The following OGT variants were observed in gnomAD, a reference collection of about 807,000 sequenced individuals.
OGT encodes UDP-N-acetylglucosamine--peptide N-acetylglucosaminyltransferase 110 kDa subunit.
A neutral mutation model predicts 75.8 loss-of-function variants in OGT; 3 were observed. The ratio of observed to expected loss-of-function variants is 0.04; its 90% CI spans 0.02 to 0.10. The LOEUF (loss-of-function observed/expected upper bound fraction) is 0.10, where lower values mean the gene tolerates loss of function less well. Among genes scored for constraint, OGT ranks in the 10% least tolerant of loss-of-function variants. OGT has a pLI of 1.00. For synonymous variants in OGT, 257 were observed against 289.7 expected, an observed-to-expected ratio of 0.89 and a Z score of 1.15; for missense variants, 260 against 824.4, an observed-to-expected ratio of 0.32 and a Z score of 8.38.
intron 2 of OGT, chrX:71,537,196 G>A (rs1021152187): frequency 8.2e-6 from 1 of 121,500 alleles, no homozygotes; most frequent in African/African-American, 3.3e-5. Context: ...TCAAACTCCC[G>A]ACCTCAGGTG....
chrX:71,555,134 TTGTGTGTGTGTGTGTGTGTGTGTG>T (rs376605851), intron 6 of OGT, 32 bp from the exon 7 acceptor site: 23 of 533,738 alleles, frequency 4.3e-5, no homozygotes, highest in East Asian at 2.9e-4. Context: ...GAGTTACATT[TTGTGTGTGTGTGTGTGTGTGTGTG>T]TGTGTGTGTG....
At chrX:71,538,206 G>A in intron 3 of OGT, 134 bp downstream of exon 3, 8 of 700,639 alleles carry the variant, frequency 1.1e-5, no homozygotes, top group Non-Finnish European at 1.6e-5. Context: ...TACTTAAAAT[G>A]GTGAAATTGC....
chrX:71,563,878 C>G (rs766219715), intron 18 of OGT, among the ~76,000 whole-genome samples: 3 of 112,022 alleles, frequency 2.7e-5, no homozygotes, highest in Non-Finnish European at 5.6e-5. Flanking sequence ...TCCGTACTTA[C>G]CGCTAACGTC....
At chrX:71,556,317 C>A in intron 8 of OGT, 1 of 401,818 alleles carries the variant, frequency 2.5e-6, no homozygotes, top group Non-Finnish European at 4.2e-6. Context: ...AAGATCTGTA[C>A]AAAAAAATTA....
chrX:71,543,764 GTGTATA>G lies in OGT; in HGVS notation c.463-801_463-796del, dbSNP rs1352703617. The stretch of plus-strand genomic sequence containing the variant: ...TGTGTGTGTGTGTGTGTGTGTGTGT[GTGTATA>G]TATATATATATATATATATATATTT... On this transcript the variant is annotated intron_variant, in intron 3 of 21. Coordinates refer to ENST00000373719, the MANE Select transcript of OGT (RefSeq NM_181672.3). Among the ~76,000 whole-genome samples the G allele has an allele frequency of 7.1e-3, 433 of 60,973 alleles. 1 individual carries two copies. The highest frequency in any genetic ancestry group is 0.023 in the African/African-American group (194 of 8,583). 52.9% of individuals were successfully genotyped at this position (60,973 alleles called of 115,157 possible).
At chrX:71,536,803 C>T (rs1445272926) in intron 2 of OGT, 1 of 150,563 alleles carries the variant, frequency 6.6e-6, no homozygotes, top group Admixed American at 8.8e-5. Context: ...TTGAATTAAT[C>T]AAAAGGGAAG....
At chrX:71,567,027 G>A (rs2040421138) in intron 19 of OGT, among the ~76,000 whole-genome samples, 1 of 112,603 alleles carries the variant, frequency 8.9e-6, no homozygotes, top group African/African-American at 3.2e-5. Context: ...CACATTGTCT[G>A]TGGCTGCTTT....
intron 4 of OGT, chrX:71,547,517 G>C: frequency 2.6e-6 from 2 of 778,857 alleles, no homozygotes; most frequent in Middle Eastern, 7.0e-4. Context: ...AGGAAAACTC[G>C]GCCTCAAGTT....
intron 12 of OGT, among the ~76,000 whole-genome samples, chrX:71,558,207 G>A (rs189639985): frequency 1.8e-5 from 2 of 110,601 alleles, no homozygotes; most frequent in East Asian, 5.7e-4. Flanking sequence ...CACCTCGCCC[G>A]GCCAAAGTGC....
intron 1 of OGT, chrX:71,534,412 C>G (rs775560899): frequency 9.0e-6 from 1 of 110,863 alleles, no homozygotes; most frequent in African/African-American, 3.3e-5. Flanking sequence ...GTAGGAGTGT[C>G]CTTCAGCTGC....
intron 10 of OGT, 26 bp downstream of exon 10, chrX:71,557,131 C>T: frequency 8.3e-7 from 1 of 1,199,363 alleles, no homozygotes. Flanking sequence ...ATAATATGTG[C>T]AGTTTAACAC....
intron 3 of OGT, among the ~76,000 whole-genome samples, chrX:71,543,733 GAT>G (rs765555427): frequency 0.047 from 4,068 of 87,380 alleles, 88 homozygotes; most frequent in South Asian, 0.12. Flanking sequence ...AAATATTTGA[GAT>G]GTGTGTGTGT....
intron 4 of OGT, chrX:71,546,227 A>G: frequency 6.6e-6 from 5 of 752,125 alleles, no homozygotes; most frequent in Non-Finnish European, 7.8e-6. Flanking sequence ...GACTGTCCTC[A>G]TTCCCATATG....
intron 4 of OGT, chrX:71,547,088 A>C (rs1228474251): frequency 5.3e-6 from 4 of 753,146 alleles, no homozygotes; most frequent in Non-Finnish European, 4.7e-6. Context: ...TGCGCAAGCG[A>C]TGTTTGCGCT....
chrX:71,557,977 C>T (rs753410067), intron 12 of OGT, among the ~76,000 whole-genome samples: 20 of 105,630 alleles, frequency 1.9e-4, no homozygotes, highest in African/African-American at 6.6e-4. Context: ...TTTTTTGAGA[C>T]GGGGTCTTGC....
At chrX:71,564,861 T>TA in intron 19 of OGT, 108 bp downstream of exon 19, 1 of 676,981 alleles carries the variant, frequency 1.5e-6, no homozygotes, top group Non-Finnish European at 2.2e-6. Context: ...CATTTCTTTT[T>TA]AAAATTTTTT....
chrX:71,549,828 T>C (rs1024474877), intron 5 of OGT, among the ~76,000 whole-genome samples: 5 of 111,503 alleles, frequency 4.5e-5, no homozygotes, highest in African/African-American at 1.6e-4. Flanking sequence ...GGCTTCTTGG[T>C]GAAAAGGCAG....
chrX:71,555,415 T>A (rs950666149), intron 7 of OGT, 30 bp downstream of exon 7: 1 of 1,162,043 alleles, frequency 8.6e-7, no homozygotes. Context: ...CTATTTGTTA[T>A]CTGGTAGGAT....
At chrX:71,572,083 T>C (rs759443804) in intron 21 of OGT, among the ~76,000 whole-genome samples, 10 of 111,787 alleles carry the variant, frequency 8.9e-5, no homozygotes, top group African/African-American at 2.9e-4. Flanking sequence ...AATACCTTTG[T>C]AACCCAAATT....
Sources: gnomAD v4.1 joint callset for allele counts (sites outside exome capture counted in the v4.1 genomes callset) on GRCh38, gnomAD v4.1.1 for gene constraint, MANE v1.5 for transcripts, NCBI Gene and HGNC (gene_info 2026-07-23, HGNC 2026-07-21) for gene names.